Variants in VPS13B observed in about 807,000 individuals in gnomAD.
VPS13B encodes the protein intermembrane lipid transfer protein VPS13B.
VPS13B carries 285 observed loss-of-function variants against 426.4 expected under a neutral mutation model. That is an observed-to-expected ratio of 0.67 (90% confidence interval 0.61 to 0.74). VPS13B has a LOEUF of 0.74. VPS13B is among the 30% of genes least tolerant of loss of function. VPS13B has a pLI of 0.00. For missense variants in VPS13B, 4,537 were observed against 4,782.6 expected, an observed-to-expected ratio of 0.95 and a Z score of 1.51; for synonymous variants, 1,676 against 1,676.4, an observed-to-expected ratio of 1.00 and a Z score of 0.01.
At chr8:99,250,622 T>C (rs1010849515) in intron 17 of VPS13B, among the ~76,000 whole-genome samples, 55 of 151,836 alleles carry the variant, frequency 3.6e-4, no homozygotes, top group African/African-American at 1.3e-3. Flanking sequence ...TTTTTGTCTC[T>C]GTTTGGGTTC....
At chr8:99,078,330 T>C (rs1199937384) in intron 3 of VPS13B, among the ~76,000 whole-genome samples, 4 of 151,600 alleles carry the variant, frequency 2.6e-5, no homozygotes, top group African/African-American at 9.7e-5. Flanking sequence ...CTTTTTTTCT[T>C]ATAGATGCAT....
rs568312188 is a variant in VPS13B, at chr8:99,688,852, A to G, written c.6047-10673A>G. ...GTACAGAAGCTTATATATCATCTCGAGGTCACAGAAAGAATGAGGCTTGGA... is the reference window on the plus strand; with the variant it reads ...GTACAGAAGCTTATATATCATCTCGGGGTCACAGAAAGAATGAGGCTTGGA... On this transcript the variant is annotated intron_variant, in intron 35 of 61. Coordinates refer to ENST00000357162, the MANE Select transcript of VPS13B (RefSeq NM_152564.5). 4.3e-3 allele frequency among the ~76,000 whole-genome samples: 651 copies of G among 152,198 alleles called. 2 individuals carry two copies. The highest frequency in any genetic ancestry group is 6.7e-3 in the Non-Finnish European group (454 of 68,028).
Position 99,115,860 on chromosome 8 carries a change from T to C in VPS13B, c.923T>C (p.Leu308Pro). 2.5e-6 allele frequency: 4 copies of C among 1,612,984 alleles called. No individual in the cohort carries two copies. The highest frequency in any genetic ancestry group is 3.4e-6 in the Non-Finnish European group (4 of 1,179,618). Residue 308 changes from leucine (L) to proline (P), a missense_variant, in exon 7 of 62, where the codon CTA becomes CCA. Physicochemically the swap from Leu to Pro is moderately conservative, Grantham distance 98. This residue lies in a region of VPS13B where 4,311 missense variants were observed against 4,474.3 expected (regional missense o/e 0.96). Coordinates refer to ENST00000357162, the MANE Select transcript of VPS13B (RefSeq NM_152564.5). ...EDLTCHNKDM[L>P]GNITGSEDET... Reference sequence around the variant, plus strand: ...CTTACTTGTCATAATAAAGATATGCTAGGAAACATTACAGGTAATGTAAAA... The same window carrying C: ...CTTACTTGTCATAATAAAGATATGCCAGGAAACATTACAGGTAATGTAAAA...
intron 36 of VPS13B, among the ~76,000 whole-genome samples, chr8:99,709,942 G>A (rs1832642543): frequency 6.6e-6 from 1 of 152,152 alleles, no homozygotes; most frequent in Admixed American, 6.5e-5. Context: ...CAACTTTTCT[G>A]AAAGCCTAAA....
At chr8:99,430,590 C>T (rs1817037866) in intron 21 of VPS13B, among the ~76,000 whole-genome samples, 1 of 151,908 alleles carries the variant, frequency 6.6e-6, no homozygotes, top group South Asian at 2.1e-4. Flanking sequence ...AATTTCTTTA[C>T]TTGGAAGAAC....
chr8:99,446,323 C>T (rs1817918956), intron 23 of VPS13B, among the ~76,000 whole-genome samples: 2 of 152,064 alleles, frequency 1.3e-5, no homozygotes, highest in African/African-American at 4.8e-5. Flanking sequence ...GTTGTGCTGA[C>T]TCTTGCTTTT....
chr8:99,351,460 G>GTGTA (rs1554747877), intron 19 of VPS13B, among the ~76,000 whole-genome samples: 1 of 151,852 alleles, frequency 6.6e-6, no homozygotes, highest in African/African-American at 2.4e-5. Flanking sequence ...GTGTGTGTGT[G>GTGTA]TGTATGTATG....
chr8:99,730,272 A>G (rs898607720), intron 39 of VPS13B, among the ~76,000 whole-genome samples: 1 of 152,202 alleles, frequency 6.6e-6, no homozygotes, highest in African/African-American at 2.4e-5. Flanking sequence ...AGGAAAATAA[A>G]AAGGCCTGGG....
chr8:99,814,452 T>A (rs1438513478), intron 44 of VPS13B, among the ~76,000 whole-genome samples: 1 of 152,194 alleles, frequency 6.6e-6, no homozygotes. Flanking sequence ...GCCTGCCTGG[T>A]CTCAGGTGGC....
chr8:99,113,153 C>T (rs778327510), intron 6 of VPS13B, among the ~76,000 whole-genome samples: 4 of 151,244 alleles, frequency 2.6e-5, no homozygotes, highest in Non-Finnish European at 5.9e-5. Flanking sequence ...GGCTGGAGTG[C>T]AGTGGCACAA....
intron 14 of VPS13B, among the ~76,000 whole-genome samples, chr8:99,155,803 C>T (rs750792346): frequency 1.3e-5 from 2 of 152,120 alleles, no homozygotes; most frequent in East Asian, 3.8e-4. Context: ...AACTGCTCTT[C>T]TTGCATTTTG....
chr8:99,047,606 G>A (rs1198798719), intron 3 of VPS13B, among the ~76,000 whole-genome samples: 2 of 152,012 alleles, frequency 1.3e-5, no homozygotes, highest in Admixed American at 1.3e-4. Flanking sequence ...AGCTCCTTGA[G>A]GTGTGACTTT....
At chr8:99,283,886 T>G (rs1468075679) in intron 19 of VPS13B, among the ~76,000 whole-genome samples, 2 of 152,222 alleles carry the variant, frequency 1.3e-5, no homozygotes, top group African/African-American at 2.4e-5. Flanking sequence ...GACATTGCCT[T>G]TTGAAAATGT....
chr8:99,637,175 A>C (rs1829105385), intron 33 of VPS13B, among the ~76,000 whole-genome samples: 1 of 152,014 alleles, frequency 6.6e-6, no homozygotes, highest in African/African-American at 2.4e-5. Flanking sequence ...GGAATAGTAA[A>C]TTGATGCCCA....
At chr8:99,665,155 T>G (rs181193046) in intron 35 of VPS13B, among the ~76,000 whole-genome samples, 189 of 152,360 alleles carry the variant, frequency 1.2e-3, no homozygotes, top group Non-Finnish European at 2.1e-3. Context: ...GCCCACTGTT[T>G]GATGGGGTTG....
chr8:99,036,588 A>G (rs117541654), intron 2 of VPS13B, among the ~76,000 whole-genome samples: 341 of 152,254 alleles, frequency 2.2e-3, no homozygotes, highest in Admixed American at 3.9e-3. Context: ...TCAAAATTCC[A>G]TGTTCTAATC....
intron 17 of VPS13B, among the ~76,000 whole-genome samples, chr8:99,228,492 A>G (rs1478638543): frequency 6.6e-6 from 1 of 152,224 alleles, no homozygotes; most frequent in African/African-American, 2.4e-5. Flanking sequence ...ATGTATCTCA[A>G]AAATGAAAAT....
chr8:99,048,452 A>T (rs1283417257), intron 3 of VPS13B, among the ~76,000 whole-genome samples: 1 of 152,132 alleles, frequency 6.6e-6, no homozygotes, highest in Non-Finnish European at 1.5e-5. Flanking sequence ...TGGAGTATTG[A>T]AGTCCCCCAC....
intron 16 of VPS13B, among the ~76,000 whole-genome samples, chr8:99,182,123 G>T (rs184542151): frequency 9.9e-5 from 15 of 152,122 alleles, no homozygotes; most frequent in African/African-American, 3.4e-4. Context: ...AAATAACCCT[G>T]GAGATTAAAT....
Sources: allele counts gnomAD v4.1 joint callset (sites outside exome capture counted in the v4.1 genomes callset), GRCh38; gene constraint gnomAD v4.1.1; regional missense constraint gnomAD v4.1.1; transcripts MANE v1.5; gene names NCBI Gene and HGNC (gene_info 2026-07-23, HGNC 2026-07-21).